GALNT1: variants seen among roughly 807,000 people sequenced by gnomAD.
The protein encoded by GALNT1 is GalNAc transferase 1.
In GALNT1, 17 loss-of-function variants were observed where a neutral mutation model predicts 65.7. The ratio of observed to expected loss-of-function variants is 0.26; its 90% CI spans 0.18 to 0.39. The LOEUF is 0.39. Among genes scored for constraint, GALNT1 ranks in the 10% least tolerant of loss-of-function variants. The pLI, the probability that GALNT1 is intolerant of heterozygous loss-of-function variation, is 1.00. For synonymous variants in GALNT1, 210 were observed against 219.7 expected, an observed-to-expected ratio of 0.96 and a Z score of 0.39; for missense variants, 460 against 672.8, an observed-to-expected ratio of 0.68 and a Z score of 3.50.
At chr18:35,640,770 A>T (rs1375811375) in intron 1 of GALNT1, among the ~76,000 whole-genome samples, 1 of 152,246 alleles carries the variant, frequency 6.6e-6, no homozygotes, top group East Asian at 1.9e-4. Context: ...ATGGAAACCC[A>T]GAAACTTGGC....
At chr18:35,691,760 C>G (rs1247178389) in intron 8 of GALNT1, among the ~76,000 whole-genome samples, 1 of 152,172 alleles carries the variant, frequency 6.6e-6, no homozygotes, top group Non-Finnish European at 1.5e-5. Flanking sequence ...GTCGGCCTGA[C>G]ATTGTTACTA....
chr18:35,666,915 C>G (rs945349360), intron 3 of GALNT1, among the ~76,000 whole-genome samples: 1 of 151,934 alleles, frequency 6.6e-6, no homozygotes, highest in African/African-American at 2.4e-5. Flanking sequence ...TTTATATCTT[C>G]ACTCTATCTC....
chr18:35,678,135 TGTA>T (rs984228360), intron 4 of GALNT1, among the ~76,000 whole-genome samples: 3 of 152,170 alleles, frequency 2.0e-5, no homozygotes, highest in African/African-American at 7.2e-5. Flanking sequence ...AATGGAGAAA[TGTA>T]GTTCCATGTT....
intron 1 of GALNT1, among the ~76,000 whole-genome samples, chr18:35,587,596 T>C (rs1317862628): frequency 6.6e-6 from 1 of 152,234 alleles, no homozygotes; most frequent in East Asian, 1.9e-4. Context: ...CATCAGTTGA[T>C]CTGATCATGT....
intron 11 of GALNT1, among the ~76,000 whole-genome samples, chr18:35,707,408 C>A (rs1363973584): frequency 6.6e-6 from 1 of 152,158 alleles, no homozygotes; most frequent in Non-Finnish European, 1.5e-5. Context: ...TTGCCTGAGT[C>A]CTCTGAGGAG....
At chr18:35,671,057 G>C (rs1266424583) in intron 3 of GALNT1, among the ~76,000 whole-genome samples, 2 of 152,108 alleles carry the variant, frequency 1.3e-5, no homozygotes, top group African/African-American at 4.8e-5. Flanking sequence ...ATGATCTTGG[G>C]GTAGGAAAGG....
chr18:35,619,655 A>T lies in GALNT1; in HGVS notation c.-103-34905A>T, dbSNP rs997647510. On this transcript the variant is annotated intron_variant, in intron 1 of 11. Transcript: ENST00000269195. Reference sequence around the variant, plus strand: ...GTGGGATCATACAGTCTTGTTTGTGATCCAAACTGGCAGTGGCAGTACTGA... The same window carrying T: ...GTGGGATCATACAGTCTTGTTTGTGTTCCAAACTGGCAGTGGCAGTACTGA... Among the ~76,000 whole-genome samples, 3 of 152,172 alleles carry T rather than the reference A, an allele frequency of 2.0e-5. No homozygotes were observed. The East Asian group carries it at 5.8e-4, about 29-fold the overall frequency.
intron 1 of GALNT1, among the ~76,000 whole-genome samples, chr18:35,626,515 G>A (rs1326235334): frequency 2.6e-5 from 4 of 151,900 alleles, no homozygotes; most frequent in Non-Finnish European, 4.4e-5. Flanking sequence ...TTTTTTTCTT[G>A]ACAGGATATA....
Position 35,664,039 on chromosome 18 carries a change from G to A in GALNT1, c.314+237G>A, listed in dbSNP as rs529011029. 5.4e-4 allele frequency: 242 copies of A among 446,734 alleles called. 1 individual carries two copies. In the Middle Eastern group the frequency reaches 8.6e-3, roughly 16 times the overall value. 27.7% of individuals were successfully genotyped at this position (446,734 alleles called of 1,614,324 possible). ...AATTATTTATCTTAATGGATTAGAA[G>A]GGGATTTTAAACTTTATTATTACCA... On this transcript the variant is annotated intron_variant, in intron 3 of 11. Coordinates refer to ENST00000269195, the MANE Select transcript of GALNT1 (RefSeq NM_020474.4).
intron 4 of GALNT1, among the ~76,000 whole-genome samples, chr18:35,682,636 G>A (rs1023860049): frequency 6.6e-6 from 1 of 152,042 alleles, no homozygotes; most frequent in Middle Eastern, 3.2e-3. Context: ...GTGAACTTTG[G>A]AGGTAAGGTT....
chr18:35,686,143 C>A (rs932151727), intron 5 of GALNT1, among the ~76,000 whole-genome samples: 2 of 152,078 alleles, frequency 1.3e-5, no homozygotes, highest in African/African-American at 4.8e-5. Flanking sequence ...AGAAAAGATA[C>A]CATTCGTAAT....
intron 1 of GALNT1, among the ~76,000 whole-genome samples, chr18:35,630,003 C>G (rs757853411): frequency 3.9e-5 from 6 of 152,160 alleles, no homozygotes; most frequent in Non-Finnish European, 5.9e-5. Context: ...ACAAGAAGAG[C>G]TATCTTAAAT....
At chr18:35,633,523 A>G (rs1297979840) in intron 1 of GALNT1, among the ~76,000 whole-genome samples, 1 of 131,516 alleles carries the variant, frequency 7.6e-6, no homozygotes, top group Non-Finnish European at 1.6e-5. Flanking sequence ...GAAGGGGGAC[A>G]TCACACACTG....
In GALNT1 at chr18:35,654,631, AT is replaced by A; in HGVS notation, c.-27del. The A allele has an allele frequency of 8.1e-7, 1 of 1,227,666 alleles. No individual in the cohort carries two copies. Among genetic ancestry groups the A allele is most frequent in the Non-Finnish European group, 1.1e-6 (1 of 951,082 alleles). 76.0% of individuals were successfully genotyped at this position (1,227,666 alleles called of 1,614,324 possible). A position where few individuals can be genotyped will look rare whatever the true frequency, so the allele number is the denominator to read the frequency against. On this transcript the variant is annotated 5_prime_UTR_variant, in exon 2 of 12. An upstream open reading frame in the 5' UTR loses its in-frame stop. Transcript: ENST00000269195. Reference sequence around the variant, plus strand: ...GATCTTTGTATATTTATATATATATATTTTTAAATTTTGCATTTGACTTAAA... The same window carrying A: ...GATCTTTGTATATTTATATATATATATTTTAAATTTTGCATTTGACTTAAA...
intron 10 of GALNT1, 56 bp downstream of exon 10, chr18:35,703,051 CCTTT>C (rs2048191925): frequency 2.8e-6 from 3 of 1,064,334 alleles, no homozygotes; most frequent in Admixed American, 2.6e-5. Context: ...TTTTACTTTG[CCTTT>C]TTTTTATACC....
chr18:35,625,287 T>C (rs1209088242), intron 1 of GALNT1, among the ~76,000 whole-genome samples: 1 of 152,144 alleles, frequency 6.6e-6, no homozygotes, highest in African/African-American at 2.4e-5. Flanking sequence ...ATGTGTATAG[T>C]GTCAGGGGTC....
In GALNT1 at chr18:35,653,560, T is replaced by C. The variant is rs113755282; in HGVS notation, c.-103-1000T>C. ...GTTTCCTCACTCCACTTCATAGGAA[T>C]GCACTTGGTTTATATTTCTCCTGGT... On this transcript the variant is annotated intron_variant, in intron 1 of 11. Coordinates refer to ENST00000269195, the MANE Select transcript of GALNT1 (RefSeq NM_020474.4). 6.4e-3 allele frequency among the ~76,000 whole-genome samples: 973 copies of C among 152,350 alleles called. 19 individuals carry two copies. Among genetic ancestry groups the C allele is most frequent in the African/African-American group, 0.022 (923 of 41,594 alleles).
At chr18:35,625,808 T>C (rs2046909768) in intron 1 of GALNT1, among the ~76,000 whole-genome samples, 1 of 152,216 alleles carries the variant, frequency 6.6e-6, no homozygotes, top group Non-Finnish European at 1.5e-5. Context: ...ATGCATATTT[T>C]GCTGAAACTC....
intron 5 of GALNT1, among the ~76,000 whole-genome samples, chr18:35,684,017 C>T (rs997766579): frequency 6.6e-6 from 1 of 152,204 alleles, no homozygotes; most frequent in African/African-American, 2.4e-5. Flanking sequence ...ACATTGTGTC[C>T]TGAAATGCTT....
Sources: gnomAD v4.1 joint callset for allele counts (sites outside exome capture counted in the v4.1 genomes callset) on GRCh38, gnomAD v4.1.1 for gene constraint, MANE v1.5 for transcripts, NCBI Gene and HGNC (gene_info 2026-07-23, HGNC 2026-07-21) for gene names.